SIPA1L1: variants seen among roughly 807,000 people sequenced by gnomAD.
The protein encoded by SIPA1L1 is signal-induced proliferation-associated 1-like protein 1.
A neutral mutation model predicts 162.7 loss-of-function variants in SIPA1L1; 26 were observed. The observed-to-expected ratio is 0.16, with a 90% CI of 0.12 to 0.22. SIPA1L1 has a LOEUF of 0.22. SIPA1L1 is among the 10% of genes least tolerant of loss of function. SIPA1L1 has a pLI of 1.00. For missense variants in SIPA1L1, 1,874 were observed against 2,241.0 expected (o/e 0.84, Z 3.31); for synonymous variants, 829 against 837.4 (o/e 0.99, Z 0.17).
At chr14:71,356,586 A>AAAAAAAAAAAAAAAAAAC (rs1323653711) in intron 2 of SIPA1L1, among the ~76,000 whole-genome samples, 1 of 147,294 alleles carries the variant, frequency 6.8e-6, no homozygotes, top group East Asian at 1.9e-4. Context: ...AAAAAAAAAA[A>AAAAAAAAAAAAAAAAAAC]AGCACACCTG....
chr14:71,375,846 A>G (rs1186469575), intron 2 of SIPA1L1, among the ~76,000 whole-genome samples: 1 of 152,054 alleles, frequency 6.6e-6, no homozygotes, highest in Non-Finnish European at 1.5e-5. Context: ...TTCTTCTTTA[A>G]TCTGTTAATA....
At chr14:71,425,801 G>A (rs1194829666) in intron 2 of SIPA1L1, among the ~76,000 whole-genome samples, 1 of 151,990 alleles carries the variant, frequency 6.6e-6, no homozygotes, top group Non-Finnish European at 1.5e-5. Flanking sequence ...GGGTATTGAT[G>A]TCTCCAACTA....
chr14:71,432,187 G>GT (rs1380051110), intron 2 of SIPA1L1, among the ~76,000 whole-genome samples: 1 of 152,084 alleles, frequency 6.6e-6, no homozygotes, highest in Non-Finnish European at 1.5e-5. Flanking sequence ...CAATCCACCT[G>GT]TTTCAGCCTC....
chr14:71,354,468 G>A (rs536357131), intron 2 of SIPA1L1, among the ~76,000 whole-genome samples: 10 of 151,786 alleles, frequency 6.6e-5, no homozygotes, highest in African/African-American at 2.4e-4. Flanking sequence ...GTAGAGGGGG[G>A]GTTTCACCAT....
At chr14:71,681,198 G>A (rs909391289) in intron 12 of SIPA1L1, among the ~76,000 whole-genome samples, 1 of 152,118 alleles carries the variant, frequency 6.6e-6, no homozygotes, top group South Asian at 2.1e-4. Flanking sequence ...GAGTGAGCAG[G>A]CCCCTTATGC....
chr14:71,482,824 G>C (rs757469055), intron 2 of SIPA1L1, among the ~76,000 whole-genome samples: 31 of 152,116 alleles, frequency 2.0e-4, no homozygotes, highest in Non-Finnish European at 3.7e-4. Context: ...TTATACTTCT[G>C]GAAGAGAATA....
chr14:71,698,877 G>A (rs1277870918), intron 13 of SIPA1L1, 104 bp from the exon 14 acceptor site: 29 of 1,111,040 alleles, frequency 2.6e-5, no homozygotes, highest in Non-Finnish European at 3.4e-5. Context: ...CTATCTCCAT[G>A]AAGTCACTGT....
At chr14:71,634,109 A>G (rs2040869558) in intron 7 of SIPA1L1, among the ~76,000 whole-genome samples, 1 of 152,026 alleles carries the variant, frequency 6.6e-6, no homozygotes, top group African/African-American at 2.4e-5. Context: ...GTTACCTATA[A>G]GGGAAGAACG....
intron 10 of SIPA1L1, among the ~76,000 whole-genome samples, chr14:71,669,579 C>T (rs930255440): frequency 1.5e-4 from 23 of 152,044 alleles, no homozygotes; most frequent in Admixed American, 1.2e-3. Flanking sequence ...AAAAATAACA[C>T]GATCAAATTA....
intron 4 of SIPA1L1, among the ~76,000 whole-genome samples, chr14:71,559,422 TTAA>T (rs2056608568): frequency 6.6e-6 from 1 of 152,178 alleles, no homozygotes; most frequent in Non-Finnish European, 1.5e-5. Context: ...CCAACTTTTC[TTAA>T]TAATAGGTAC....
chr14:71,361,409 A>G (rs1437818775), intron 2 of SIPA1L1, among the ~76,000 whole-genome samples: 1 of 152,128 alleles, frequency 6.6e-6, no homozygotes, highest in Non-Finnish European at 1.5e-5. Context: ...CCATACATAT[A>G]CTTTCTAAAA....
chr14:71,523,745 A>G (rs1301332600), intron 3 of SIPA1L1, among the ~76,000 whole-genome samples: 2 of 152,170 alleles, frequency 1.3e-5, no homozygotes, highest in African/African-American at 4.8e-5. Flanking sequence ...TCCATGTACT[A>G]CACATTCAGT....
chr14:71,569,179 T>C (rs2031423731), intron 4 of SIPA1L1, among the ~76,000 whole-genome samples: 1 of 152,106 alleles, frequency 6.6e-6, no homozygotes. Context: ...GGGAAAGACA[T>C]AGGAGCAGAT....
intron 2 of SIPA1L1, among the ~76,000 whole-genome samples, chr14:71,458,591 A>G (rs1253897370): frequency 6.6e-6 from 1 of 152,214 alleles, no homozygotes; most frequent in African/African-American, 2.4e-5. Flanking sequence ...TATAATAAGA[A>G]GTGGAAGTAA....
intron 16 of SIPA1L1, among the ~76,000 whole-genome samples, chr14:71,708,598 T>C (rs959977583): frequency 6.6e-6 from 1 of 152,170 alleles, no homozygotes; most frequent in African/African-American, 2.4e-5. Context: ...GTGCTGGGAC[T>C]ATAGGTGTGA....
chr14:71,548,437 T>C (rs972175606), intron 4 of SIPA1L1, among the ~76,000 whole-genome samples: 1 of 152,190 alleles, frequency 6.6e-6, no homozygotes, highest in African/African-American at 2.4e-5. Context: ...GTGGTGATCA[T>C]ATTTAGATAT....
chr14:71,498,878 G>C (rs540442125), intron 2 of SIPA1L1, among the ~76,000 whole-genome samples: 1 of 152,184 alleles, frequency 6.6e-6, no homozygotes, highest in South Asian at 2.1e-4. Context: ...TTAACCATAG[G>C]TTATCAAATG....
At chr14:71,475,127 A>G (rs2047745839) in intron 2 of SIPA1L1, among the ~76,000 whole-genome samples, 1 of 152,230 alleles carries the variant, frequency 6.6e-6, no homozygotes, top group African/African-American at 2.4e-5. Context: ...ATGTGAGCCA[A>G]GGTTTGGTCA....
intron 7 of SIPA1L1, among the ~76,000 whole-genome samples, chr14:71,646,200 G>A (rs1260842771): frequency 2.1e-5 from 3 of 146,192 alleles, no homozygotes; most frequent in South Asian, 2.2e-4. Flanking sequence ...TTTTTGAGAC[G>A]GAGTCTTGCT....
Sources: gnomAD v4.1 joint callset for allele counts (sites outside exome capture counted in the v4.1 genomes callset) on GRCh38, gnomAD v4.1.1 for gene constraint, MANE v1.5 for transcripts, NCBI Gene and HGNC (gene_info 2026-07-23, HGNC 2026-07-21) for gene names.